The following CRISPLD2 variants were observed in gnomAD, a reference collection of about 807,000 sequenced individuals.
CRISPLD2 encodes the protein cysteine-rich secretory protein LCCL domain-containing 2.
Under a neutral mutation model 71.1 loss-of-function variants are expected in CRISPLD2, and 47 were observed. The observed-to-expected ratio is 0.66, with a 90% confidence interval of 0.52 to 0.84. The LOEUF (loss-of-function observed/expected upper bound fraction) is 0.84, where lower values mean the gene tolerates loss of function less well. Ranked by LOEUF, CRISPLD2 falls within the 40% of genes least tolerant of loss-of-function variation. The pLI is 0.00. For synonymous variants in CRISPLD2, 317 were observed against 250.1 expected, an observed-to-expected ratio of 1.27 and a Z score of -2.52; for missense variants, 830 against 651.1, an observed-to-expected ratio of 1.27 and a Z score of -2.99.
chr16:84,874,075 A>G (rs767103144), intron 11 of CRISPLD2, 112 bp downstream of exon 11: 5 of 928,096 alleles, frequency 5.4e-6, no homozygotes, highest in African/African-American at 1.7e-5. Context: ...TGTGAACATT[A>G]TGGTTCTCAT....
chr16:84,879,340 G>C (rs1219543952), intron 12 of CRISPLD2, among the ~76,000 whole-genome samples: 1 of 150,550 alleles, frequency 6.6e-6, no homozygotes, highest in East Asian at 2.0e-4. Context: ...AATGGAGACT[G>C]TTCTTAGACT....
At chr16:84,898,335 A>G (rs867560971) in intron 14 of CRISPLD2, among the ~76,000 whole-genome samples, 3 of 151,956 alleles carry the variant, frequency 2.0e-5, no homozygotes, top group South Asian at 4.2e-4. Context: ...CCCCACTCCC[A>G]TTCAAGGCCG....
At chr16:84,879,616 C>T (rs868350144) in intron 12 of CRISPLD2, among the ~76,000 whole-genome samples, 1 of 152,146 alleles carries the variant, frequency 6.6e-6, no homozygotes. Context: ...CCCACCTCGG[C>T]CTCCCAAAGT....
intron 6 of CRISPLD2, among the ~76,000 whole-genome samples, chr16:84,857,651 G>T (rs1006582134): frequency 1.3e-5 from 2 of 152,148 alleles, no homozygotes; most frequent in African/African-American, 4.8e-5. Context: ...CTGTACTGCC[G>T]CAGCTGTCCA....
Position 84,877,436 on chromosome 16 carries a change from A to G in CRISPLD2, c.1157-2A>G. 1 of 1,613,532 alleles carries G rather than the reference A, an allele frequency of 6.2e-7. No homozygotes were observed. Among genetic ancestry groups the G allele is most frequent in the Admixed American group, 1.7e-5 (1 of 60,014 alleles). On this transcript the variant is annotated splice_acceptor_variant, in intron 11 of 14. Coordinates refer to ENST00000262424, the MANE Select transcript of CRISPLD2 (RefSeq NM_031476.4). LOFTEE classifies it high-confidence loss of function. Reference sequence around the variant, plus strand: ...CCCTTTCCCCCTTGCTCCTGTTCACAGTGCAGGATTTGGACTGCTACACGA... The same window carrying G: ...CCCTTTCCCCCTTGCTCCTGTTCACGGTGCAGGATTTGGACTGCTACACGA...
chr16:84,833,037 A>G (rs1245226675), intron 1 of CRISPLD2, among the ~76,000 whole-genome samples: 1 of 152,206 alleles, frequency 6.6e-6, no homozygotes, highest in Admixed American at 6.5e-5. Context: ...AACTTTTGGC[A>G]AGTTTGAGTT....
intron 14 of CRISPLD2, among the ~76,000 whole-genome samples, chr16:84,890,845 A>C (rs532059789): frequency 2.0e-5 from 3 of 152,288 alleles, no homozygotes; most frequent in South Asian, 4.1e-4. Context: ...GAAATTCCTA[A>C]GTGGGGCCTT....
chr16:84,820,768 G>A (rs1045549758), intron 1 of CRISPLD2, among the ~76,000 whole-genome samples: 3 of 152,030 alleles, frequency 2.0e-5, no homozygotes, highest in Non-Finnish European at 2.9e-5. Flanking sequence ...CCATGTCAGG[G>A]TTCTGCAGTC....
At chr16:84,838,390 G>C in intron 1 of CRISPLD2, 32 bp from the exon 2 acceptor site, 1 of 1,420,206 alleles carries the variant, frequency 7.0e-7, no homozygotes, top group Middle Eastern at 2.5e-4. Flanking sequence ...CTACTAATGC[G>C]ACTTCTCCCA....
chr16:84,883,325 C>T (rs1160787734), intron 13 of CRISPLD2, among the ~76,000 whole-genome samples: 9 of 152,198 alleles, frequency 5.9e-5, no homozygotes, highest in African/African-American at 1.7e-4. Context: ...TTCCTGCCTG[C>T]GGCTCCCGCC....
In CRISPLD2 at chr16:84,872,480, A is replaced by G. The variant is rs1194396731; in HGVS notation, c.953A>G (p.Lys318Arg). Reference protein sequence around the residue: ...CPAGCLNHKAKIFGTLFYESS... With the variant: ...CPAGCLNHKARIFGTLFYESS... ...GCAGGCTGCCTGAACCACAAGGCGA[A>G]GATCTTTGGAACTCTGTTCTATGAA... Residue 318 changes from lysine to arginine, a missense_variant, in exon 9 of 15, where the codon AAG becomes AGG. Lys to Arg is a conservative substitution (Grantham distance 26). Coordinates refer to ENST00000262424, the MANE Select transcript of CRISPLD2 (RefSeq NM_031476.4). 3 of 1,614,034 alleles carry G rather than the reference A, an allele frequency of 1.9e-6. No homozygotes were observed. In the South Asian group the frequency reaches 3.3e-5, roughly 18 times the overall value.
intron 13 of CRISPLD2, among the ~76,000 whole-genome samples, chr16:84,886,864 G>C (rs192574448): frequency 2.6e-5 from 4 of 152,314 alleles, no homozygotes; most frequent in African/African-American, 9.6e-5. Context: ...CCATTGTTAA[G>C]TGCACAGCTT....
At chr16:84,844,394 T>C (rs934242349) in intron 2 of CRISPLD2, among the ~76,000 whole-genome samples, 4 of 152,252 alleles carry the variant, frequency 2.6e-5, no homozygotes, top group Admixed American at 2.6e-4. Flanking sequence ...CATTTTTAAG[T>C]GTGCAGTTCT....
intron 5 of CRISPLD2, among the ~76,000 whole-genome samples, chr16:84,853,819 C>T (rs923718999): frequency 4.6e-5 from 7 of 152,200 alleles, no homozygotes; most frequent in African/African-American, 1.2e-4. Context: ...GCCCTGCTGC[C>T]GTGATCCCAT....
In CRISPLD2 at chr16:84,866,887, C is replaced by T. The variant is rs1917552695; in HGVS notation, c.710-10C>T. ...TGTGTTATTTTTTTTCCTCCCTCTC[C>T]AATGTTAAGAAGAAACCTACACTCC... is the stretch of plus-strand genomic sequence containing the variant. On this transcript the variant is annotated splice_polypyrimidine_tract_variant and intron_variant, in intron 6 of 14. Coordinates refer to ENST00000262424, the MANE Select transcript of CRISPLD2 (RefSeq NM_031476.4). 4 of 1,609,398 alleles carry T rather than the reference C, an allele frequency of 2.5e-6. No homozygotes were observed. The highest frequency in any genetic ancestry group is 3.4e-6 in the Non-Finnish European group (4 of 1,176,752).
chr16:84,827,922 G>A (rs1335679046), intron 1 of CRISPLD2, among the ~76,000 whole-genome samples: 1 of 152,158 alleles, frequency 6.6e-6, no homozygotes, highest in Non-Finnish European at 1.5e-5. Flanking sequence ...CCCAACCAGA[G>A]TGGTTCTGCC....
At chr16:84,840,019 A>AG (rs1491494783) in intron 2 of CRISPLD2, 933 of 56,688 alleles carry the variant, frequency 0.016, 5 homozygotes, top group Middle Eastern at 0.07. Flanking sequence ...ACCCTGTCTC[A>AG]AAAAAAAAAA....
In CRISPLD2 at chr16:84,846,183, T is replaced by TTTCC. The variant is rs200835730; in HGVS notation, c.359+293_359+296dup. On this transcript the variant is annotated intron_variant, in intron 3 of 14. Transcript: ENST00000262424. Reference sequence around the variant, plus strand: ...CTTTCCTTCTTCCTTTCCTTCTTCCTTTCCTTCCTTCCTTCCTCCCTCCCT... The same window carrying TTTCC: ...CTTTCCTTCTTCCTTTCCTTCTTCCTTTCCTTCCTTCCTTCCTTCCTCCCTCCCT... The TTTCC allele has an allele frequency of 4.8e-3, 1,372 of 288,574 alleles. 23 individuals carry two copies. The highest frequency in any genetic ancestry group is 0.029 in the African/African-American group (1,289 of 44,086). The allele number at this position is 288,574 out of a possible 1,614,324, so 17.9% of individuals were successfully genotyped here. A position where few individuals can be genotyped will look rare whatever the true frequency, so the allele number is the denominator to read the frequency against.
intron 14 of CRISPLD2, among the ~76,000 whole-genome samples, chr16:84,892,131 C>G (rs1241893971): frequency 6.6e-6 from 1 of 152,194 alleles, no homozygotes; most frequent in Non-Finnish European, 1.5e-5. Context: ...TTACCTGCCC[C>G]CTGGGGTGGT....
Sources: allele counts gnomAD v4.1 joint callset (sites outside exome capture counted in the v4.1 genomes callset), GRCh38; gene constraint gnomAD v4.1.1; transcripts MANE v1.5; gene names NCBI Gene and HGNC (gene_info 2026-07-23, HGNC 2026-07-21).